Variants in TENM2 observed in about 807,000 individuals in gnomAD.
TENM2 encodes the protein teneurin transmembrane protein 2.
Under a neutral mutation model 245.2 loss-of-function variants are expected in TENM2, and 52 were observed. That is an observed-to-expected ratio of 0.21 (90% CI 0.17 to 0.27). The LOEUF (loss-of-function observed/expected upper bound fraction) is 0.27. Among genes scored for constraint, TENM2 ranks in the 10% least tolerant of loss-of-function variants. TENM2 has a pLI of 1.00. For synonymous variants in TENM2, 1,363 were observed against 1,438.9 expected (o/e 0.95, Z 1.19); for missense variants, 3,046 against 3,666.8 (o/e 0.83, Z 4.37).
chr5:167,778,118 C>T (rs1363757119), intron 2 of TENM2, among the ~76,000 whole-genome samples: 3 of 152,120 alleles, frequency 2.0e-5, no homozygotes, highest in Non-Finnish European at 4.4e-5. Flanking sequence ...GCCCCTGCTG[C>T]AAGGGATCCA....
At chr5:167,800,949 T>C (rs1765665664) in intron 2 of TENM2, among the ~76,000 whole-genome samples, 1 of 151,752 alleles carries the variant, frequency 6.6e-6, no homozygotes. Context: ...AGATCTTCCT[T>C]TGTTCTAGAC....
At chr5:167,127,536 C>T in the TENM2 span, among the ~76,000 whole-genome samples, 5 of 150,054 alleles carry the variant, frequency 3.3e-5, no homozygotes, top group Admixed American at 1.3e-4. Context: ...AAATTAACAT[C>T]GTGACCCTAC....
chr5:168,121,239 C>A (rs188051038), intron 10 of TENM2, among the ~76,000 whole-genome samples: 1 of 152,130 alleles, frequency 6.6e-6, no homozygotes, highest in Non-Finnish European at 1.5e-5. Context: ...GCTGATGTTT[C>A]GAGGCACATG....
chr5:168,162,551 C>A (rs1757840829), intron 12 of TENM2, 60 bp from the exon 15 acceptor site: 1 of 1,579,574 alleles, frequency 6.3e-7, no homozygotes, highest in East Asian at 2.3e-5. Flanking sequence ...GCATGGCTCC[C>A]CTGCTTCCCC....
At chr5:167,951,411 A>T (rs1780090194) in intron 3 of TENM2, among the ~76,000 whole-genome samples, 1 of 152,244 alleles carries the variant, frequency 6.6e-6, no homozygotes, top group South Asian at 2.1e-4. Context: ...ATGTTTCAGC[A>T]TCCATTAAAA....
At chr5:167,352,826 A>G (rs1759011559) in intron 1 of TENM2, among the ~76,000 whole-genome samples, 1 of 152,224 alleles carries the variant, frequency 6.6e-6, no homozygotes, top group Non-Finnish European at 1.5e-5. Flanking sequence ...AAGTTATTTA[A>G]TATAGGATTC....
intron 4 of TENM2, among the ~76,000 whole-genome samples, chr5:167,982,088 C>T (rs1159963870): frequency 2.0e-5 from 3 of 152,118 alleles, no homozygotes; most frequent in Non-Finnish European, 4.4e-5. Context: ...AACACACTGC[C>T]CTTCTTTCAC....
intron 2 of TENM2, among the ~76,000 whole-genome samples, chr5:167,462,115 A>G (rs1324873521): frequency 1.3e-5 from 2 of 151,108 alleles, no homozygotes; most frequent in Non-Finnish European, 2.9e-5. Context: ...ACACACATGC[A>G]CAAACCTCTT....
At chr5:168,042,963 C>G (rs1300465169) in intron 5 of TENM2, among the ~76,000 whole-genome samples, 1 of 152,200 alleles carries the variant, frequency 6.6e-6, no homozygotes, top group Non-Finnish European at 1.5e-5. Flanking sequence ...CCGAGGGTCT[C>G]TCTGAAGCGG....
the TENM2 span, among the ~76,000 whole-genome samples, chr5:167,056,643 ATATATC>A: frequency 6.8e-6 from 1 of 147,032 alleles, no homozygotes; most frequent in Non-Finnish European, 1.5e-5. Context: ...ATCTATATAA[ATATATC>A]TATATAAATA....
chr5:166,994,575 C>T, the TENM2 span, among the ~76,000 whole-genome samples: 3 of 152,088 alleles, frequency 2.0e-5, no homozygotes, highest in Non-Finnish European at 4.4e-5. Flanking sequence ...CAGGAGTGTC[C>T]CTTTTTAGAT....
At chr5:167,035,546 C>G in the TENM2 span, among the ~76,000 whole-genome samples, 1 of 152,202 alleles carries the variant, frequency 6.6e-6, no homozygotes, top group African/African-American at 2.4e-5. Flanking sequence ...TTTTCACAGT[C>G]TCCTATCTGT....
At chr5:167,600,006 C>T (rs887445286) in intron 2 of TENM2, among the ~76,000 whole-genome samples, 7 of 150,734 alleles carry the variant, frequency 4.6e-5, no homozygotes, top group South Asian at 2.1e-4. Context: ...ATTAGCCAGA[C>T]GTGGTGGTGG....
At chr5:167,051,616 G>C in the TENM2 span, among the ~76,000 whole-genome samples, 2 of 152,140 alleles carry the variant, frequency 1.3e-5, no homozygotes, top group East Asian at 1.9e-4. Context: ...GAGGAGGCGA[G>C]AGAAACTTTC....
intron 19 of TENM2, among the ~76,000 whole-genome samples, chr5:168,207,040 G>A (rs1398234663): frequency 1.3e-5 from 2 of 152,058 alleles, no homozygotes; most frequent in Admixed American, 6.5e-5. Flanking sequence ...CCTCTTCCAC[G>A]TAGCCTGATC....
chr5:167,578,980 T>A (rs1032349510), intron 2 of TENM2, among the ~76,000 whole-genome samples: 9 of 152,186 alleles, frequency 5.9e-5, no homozygotes, highest in Non-Finnish European at 5.9e-5. Flanking sequence ...ACCAGCCTAT[T>A]CAGGTGGACA....
At chr5:167,397,001 T>A (rs1581931945) in intron 2 of TENM2, among the ~76,000 whole-genome samples, 1 of 152,180 alleles carries the variant, frequency 6.6e-6, no homozygotes, top group Admixed American at 6.5e-5. Context: ...TATTTCTCAA[T>A]GAAGGCAGTG....
the TENM2 span, chr5:167,116,329 G>C: frequency 1.7e-4 from 26 of 152,356 alleles, no homozygotes; most frequent in African/African-American, 6.3e-4. Flanking sequence ...GAGTCCCCCA[G>C]CCAAAGTTAT....
chr5:168,059,946 T>G (rs1789888187), intron 6 of TENM2, among the ~76,000 whole-genome samples: 1 of 152,206 alleles, frequency 6.6e-6, no homozygotes, highest in Non-Finnish European at 1.5e-5. Context: ...ATGAGGACAC[T>G]GAAGCAGAGC....
Sources: gnomAD v4.1 joint callset for allele counts (sites outside exome capture counted in the v4.1 genomes callset) on GRCh38, gnomAD v4.1.1 for gene constraint, MANE v1.5 for transcripts, NCBI Gene and HGNC (gene_info 2026-07-23, HGNC 2026-07-21) for gene names.